The following MRPL48 variants were observed in gnomAD, a reference collection of about 807,000 sequenced individuals.
MRPL48 encodes mitochondrial ribosomal protein L48, also known as large ribosomal subunit protein mL48.
In MRPL48, 16 loss-of-function variants were observed where a neutral mutation model predicts 32.9. The ratio of observed to expected loss-of-function variants is 0.49; its 90% CI spans 0.33 to 0.74. The LOEUF (loss-of-function observed/expected upper bound fraction) is 0.74, where lower values mean the gene tolerates loss of function less well. MRPL48 is among the 30% of genes least tolerant of loss of function. MRPL48 has a pLI of 0.02. For synonymous variants in MRPL48, 94 were observed against 89.2 expected, an observed-to-expected ratio of 1.05 and a Z score of -0.31; for missense variants, 206 against 245.3, an observed-to-expected ratio of 0.84 and a Z score of 1.07.
intron 3 of MRPL48, among the ~76,000 whole-genome samples, chr11:73,823,336 C>G (rs1036391754): frequency 5.3e-5 from 8 of 152,264 alleles, no homozygotes; most frequent in South Asian, 4.2e-4. Flanking sequence ...GCTTGAAGAT[C>G]CCTCTTCAAG....
At chr11:73,852,974 T>C (rs1214300343) in intron 5 of MRPL48, among the ~76,000 whole-genome samples, 4 of 152,196 alleles carry the variant, frequency 2.6e-5, no homozygotes, top group Non-Finnish European at 5.9e-5. Flanking sequence ...GTTATTATGT[T>C]AAGTGAAATA....
chr11:73,847,043 C>T (rs985658197), intron 5 of MRPL48, among the ~76,000 whole-genome samples: 4 of 151,666 alleles, frequency 2.6e-5, no homozygotes, highest in African/African-American at 7.3e-5. Context: ...TAACTGCAAC[C>T]TCTGCCTCCC....
intron 1 of MRPL48, among the ~76,000 whole-genome samples, chr11:73,798,415 A>C (rs192381828): frequency 6.6e-6 from 1 of 152,274 alleles, no homozygotes; most frequent in African/African-American, 2.4e-5. Context: ...TTTTTAAAAG[A>C]ACTTGAGAAA....
rs34947831 is a variant in MRPL48 at position 73,841,938 on chromosome 11, T to TG, written c.202-2860dup. Reference sequence around the variant, plus strand: ...ACAAACAGCCAATGATACTAGTTTTTGGGGGGGGGTTTGTTTTTATTTTTG... The same window carrying TG: ...ACAAACAGCCAATGATACTAGTTTTTGGGGGGGGGGTTTGTTTTTATTTTTG... On this transcript the variant is annotated intron_variant, in intron 4 of 7. Transcript: ENST00000310614. Among the ~76,000 whole-genome samples the TG allele has an allele frequency of 6.3e-3, 953 of 150,608 alleles. 4 individuals carry two copies. Among genetic ancestry groups the TG allele is most frequent in the Non-Finnish European group, 9.3e-3 (628 of 67,566 alleles).
chr11:73,852,510 A>G (rs1459926871), intron 5 of MRPL48, among the ~76,000 whole-genome samples: 1 of 152,196 alleles, frequency 6.6e-6, no homozygotes, highest in Non-Finnish European at 1.5e-5. Context: ...AAAAGTGCTC[A>G]ACATCACTGA....
chr11:73,801,947 A>G (rs1947369534), intron 1 of MRPL48: 1 of 152,210 alleles, frequency 6.6e-6, no homozygotes. Flanking sequence ...CCTGAGAGGA[A>G]AGTGACATGA....
At chr11:73,793,880 C>G (rs371684112) in intron 1 of MRPL48, among the ~76,000 whole-genome samples, 76 of 142,316 alleles carry the variant, frequency 5.3e-4, no homozygotes, top group African/African-American at 1.8e-3. Flanking sequence ...TTTTTTTTCC[C>G]TTTTTCTGGA....
chr11:73,788,402 T>G (rs1019109528), intron 1 of MRPL48, among the ~76,000 whole-genome samples: 1 of 151,990 alleles, frequency 6.6e-6, no homozygotes, highest in Non-Finnish European at 1.5e-5. Context: ...CTTGCTGAAC[T>G]GATGAGGATG....
chr11:73,799,347 G>T (rs2134947357), intron 1 of MRPL48, among the ~76,000 whole-genome samples: 1 of 152,240 alleles, frequency 6.6e-6, no homozygotes, highest in East Asian at 1.9e-4. Context: ...GCAAGACCTT[G>T]TCTCAAAAAC....
At chr11:73,843,924 CAA>C (rs963407896) in intron 4 of MRPL48, among the ~76,000 whole-genome samples, 4 of 151,982 alleles carry the variant, frequency 2.6e-5, no homozygotes, top group African/African-American at 9.7e-5. Context: ...ACTAAAATTA[CAA>C]AAGTTAGCCA....
At chr11:73,806,004 G>C (rs1351038431) in intron 2 of MRPL48, among the ~76,000 whole-genome samples, 1 of 152,006 alleles carries the variant, frequency 6.6e-6, no homozygotes, top group Non-Finnish European at 1.5e-5. Flanking sequence ...AAACCACTAG[G>C]GGCCAGCTCC....
chr11:73,849,297 C>T (rs899750539), intron 5 of MRPL48, among the ~76,000 whole-genome samples: 41 of 150,936 alleles, frequency 2.7e-4, no homozygotes, highest in African/African-American at 9.0e-4. Flanking sequence ...CCACCACACC[C>T]GGCTTATGTT....
chr11:73,825,580 G>C (rs1363385712), intron 3 of MRPL48, 128 bp from the exon 4 acceptor site: 1 of 759,644 alleles, frequency 1.3e-6, no homozygotes, highest in Non-Finnish European at 2.1e-6. Context: ...CCAGAAGTTC[G>C]AGGCTTCAAT....
At position 73,794,857 on chromosome 11, in the gene MRPL48, G is replaced by A. The variant is rs369376786; in HGVS notation, c.21+6865G>A. Among the ~76,000 whole-genome samples the A allele has an allele frequency of 4.5e-4, 67 of 148,168 alleles. No homozygotes were observed. In the East Asian group the frequency reaches 0.014, roughly 30 times the overall value. ...CCTCCCGGGTTCAAGCGATTCTCCTGCCTCGACCTCCTGAGTAGCTGGGAT... is the reference window on the plus strand; with the variant it reads ...CCTCCCGGGTTCAAGCGATTCTCCTACCTCGACCTCCTGAGTAGCTGGGAT... On this transcript the variant is annotated intron_variant, in intron 1 of 7. Coordinates refer to ENST00000310614, the MANE Select transcript of MRPL48 (RefSeq NM_016055.6).
intron 1 of MRPL48, among the ~76,000 whole-genome samples, chr11:73,802,483 C>G (rs1947377955): frequency 6.6e-6 from 1 of 152,154 alleles, no homozygotes. Context: ...AGCTCCCCAG[C>G]CCTTCCAGCC....
chr11:73,791,704 C>A (rs1259023893), intron 1 of MRPL48, among the ~76,000 whole-genome samples: 1 of 152,202 alleles, frequency 6.6e-6, no homozygotes, highest in Non-Finnish European at 1.5e-5. Context: ...CAGGCGTGAG[C>A]CACTGTGCCA....
Position 73,852,393 on chromosome 11 carries a change from C to CAA in MRPL48, c.371+7440_371+7441dup, listed in dbSNP as rs10554131. ...ATAAGGAGCTCAAACAACTCTATAG[C>CAA]AAAAAAAAAAAAAAAAAAAAAAAAT... On this transcript the variant is annotated intron_variant, in intron 5 of 7. Transcript: ENST00000310614. 4.0e-3 allele frequency among the ~76,000 whole-genome samples: 334 copies of CAA among 83,278 alleles called. 1 individual carries two copies. The highest frequency in any genetic ancestry group is 4.5e-3 in the Non-Finnish European group (194 of 42,666). 54.6% of individuals were successfully genotyped at this position (83,278 alleles called of 152,430 possible). A position where few individuals can be genotyped will look rare whatever the true frequency, so the allele number is the denominator to read the frequency against.
At chr11:73,841,007 A>G (rs1372087866) in intron 4 of MRPL48, among the ~76,000 whole-genome samples, 1 of 152,204 alleles carries the variant, frequency 6.6e-6, no homozygotes, top group Non-Finnish European at 1.5e-5. Flanking sequence ...TAGTATCCAA[A>G]TAGCCAGTAA....
chr11:73,820,399 A>AT (rs1417681775), intron 3 of MRPL48, among the ~76,000 whole-genome samples: 4 of 152,124 alleles, frequency 2.6e-5, no homozygotes, highest in African/African-American at 9.6e-5. Context: ...TAATTTTTGT[A>AT]TTTTTAGTAG....
Sources: gnomAD v4.1 joint callset for allele counts (sites outside exome capture counted in the v4.1 genomes callset) on GRCh38, gnomAD v4.1.1 for gene constraint, MANE v1.5 for transcripts, NCBI Gene and HGNC (gene_info 2026-07-23, HGNC 2026-07-21) for gene names.